The following NCKAP5 variants were observed in gnomAD, a reference collection of about 807,000 sequenced individuals.
NCKAP5 encodes the protein NCK associated protein 5.
In NCKAP5, 92 loss-of-function variants were observed where a neutral mutation model predicts 167.0. That is an observed-to-expected ratio of 0.55 (90% confidence interval 0.47 to 0.66). The LOEUF (loss-of-function observed/expected upper bound fraction) is 0.66. NCKAP5 is among the 30% of genes least tolerant of loss of function. The probability of loss-of-function intolerance (pLI) is 0.00; values close to 1 mark genes in which losing one functional copy is unlikely to be tolerated. For missense variants in NCKAP5, 2,378 were observed against 2,315.0 expected (o/e 1.03, Z -0.56); for synonymous variants, 891 against 877.4 (o/e 1.02, Z -0.27).
intron 3 of NCKAP5, among the ~76,000 whole-genome samples, chr2:133,305,565 T>C (rs1680721962): frequency 6.6e-6 from 1 of 152,212 alleles, no homozygotes; most frequent in Non-Finnish European, 1.5e-5. Flanking sequence ...AACTTCAAGA[T>C]TTTTAAGTGT....
Position 132,782,532 on chromosome 2 carries a change from T to A in NCKAP5, c.4279A>T (p.Ser1427Cys). The A allele has an allele frequency of 6.3e-7, 1 of 1,595,758 alleles. No individual in the cohort carries two copies. Among genetic ancestry groups the A allele is most frequent in the South Asian group, 1.2e-5 (1 of 86,934 alleles). Residue 1427 changes from serine to cysteine, a missense_variant, in exon 14 of 20, where the codon AGC becomes TGC. Ser to Cys is a moderately radical substitution (Grantham distance 112, BLOSUM62 -1). This residue lies in a region of NCKAP5 where 1,325 missense variants were observed against 1,274.5 expected (regional missense o/e 1.04). Coordinates refer to ENST00000409261, the MANE Select transcript of NCKAP5 (RefSeq NM_207363.3). The stretch of plus-strand genomic sequence containing the variant: ...CTTGGATGCTGAGTCCTCCCTGGGC[T>A]CTGCAGGGCTTCAGGGCAGTCTGTT... ...TPTDCPEALQ[S>C]PGRTQHPSTF...
chr2:133,579,761 A>G, the NCKAP5 span, among the ~76,000 whole-genome samples: 423 of 152,284 alleles, frequency 2.8e-3, 1 homozygote, highest in African/African-American at 9.6e-3. Context: ...CAATATTTCG[A>G]TGACATTCCT....
chr2:133,339,354 G>A (rs555403388), intron 3 of NCKAP5, among the ~76,000 whole-genome samples: 14 of 152,138 alleles, frequency 9.2e-5, no homozygotes, highest in Admixed American at 8.5e-4. Flanking sequence ...CTATGAAACA[G>A]GTCCCCTGGG....
At chr2:132,862,089 T>G (rs542386982) in intron 10 of NCKAP5, among the ~76,000 whole-genome samples, 3 of 152,232 alleles carry the variant, frequency 2.0e-5, no homozygotes, top group East Asian at 3.9e-4. Flanking sequence ...CAGCTACCTA[T>G]TGGGCTTAAG....
intron 5 of NCKAP5, among the ~76,000 whole-genome samples, chr2:133,136,821 G>C (rs530291976): frequency 6.6e-6 from 1 of 152,266 alleles, no homozygotes; most frequent in East Asian, 1.9e-4. Context: ...ACTAGAAAAC[G>C]TGCCCAGTCA....
intron 5 of NCKAP5, among the ~76,000 whole-genome samples, chr2:133,209,039 T>C (rs2086089626): frequency 6.7e-6 from 1 of 149,540 alleles, no homozygotes; most frequent in Non-Finnish European, 1.5e-5. Context: ...CTACCTCATG[T>C]CAAAATAATT....
chr2:133,558,634 C>T (rs1039112039), intron 2 of NCKAP5, among the ~76,000 whole-genome samples: 48 of 129,898 alleles, frequency 3.7e-4, no homozygotes, highest in African/African-American at 1.4e-3. Context: ...CAGGATTTGA[C>T]AATTTTGCCA....
the NCKAP5 span, among the ~76,000 whole-genome samples, chr2:133,636,900 T>C: frequency 0.095 from 14,442 of 152,124 alleles, 783 homozygotes; most frequent in African/African-American, 0.12. Context: ...AAATTTCATC[T>C]GCAAAGGAAG....
At chr2:133,241,662 C>T (rs2087710227) in intron 4 of NCKAP5, among the ~76,000 whole-genome samples, 2 of 152,250 alleles carry the variant, frequency 1.3e-5, no homozygotes, top group South Asian at 4.1e-4. Flanking sequence ...TACTCTGCCA[C>T]ATAACTCTTC....
chr2:133,180,181 A>G (rs1162267921), intron 5 of NCKAP5, among the ~76,000 whole-genome samples: 1 of 152,154 alleles, frequency 6.6e-6, no homozygotes, highest in African/African-American at 2.4e-5. Flanking sequence ...TGCTGAAAAA[A>G]AAAGAATGCC....
intron 6 of NCKAP5, among the ~76,000 whole-genome samples, chr2:133,071,310 T>A (rs1417953072): frequency 6.6e-6 from 1 of 151,778 alleles, no homozygotes; most frequent in Admixed American, 6.6e-5. Flanking sequence ...CCGGGCGTAG[T>A]GGCGGGCGCC....
chr2:133,478,344 T>C (rs1680121683), intron 3 of NCKAP5, among the ~76,000 whole-genome samples: 1 of 152,174 alleles, frequency 6.6e-6, no homozygotes, highest in Non-Finnish European at 1.5e-5. Context: ...ATGAACTTCT[T>C]AAGGGCAATG....
At chr2:133,387,238 CTGG>C (rs748797204) in intron 3 of NCKAP5, among the ~76,000 whole-genome samples, 26 of 151,788 alleles carry the variant, frequency 1.7e-4, no homozygotes, top group Non-Finnish European at 2.8e-4. Context: ...TAGGGCAGGC[CTGG>C]TGGTGACAAA....
intron 4 of NCKAP5, among the ~76,000 whole-genome samples, chr2:133,239,067 T>G (rs2087557368): frequency 6.6e-6 from 1 of 152,248 alleles, no homozygotes; most frequent in African/African-American, 2.4e-5. Context: ...CATGTTGGAT[T>G]CCTATAAATA....
At chr2:133,372,545 ATT>A (rs1685872017) in intron 3 of NCKAP5, among the ~76,000 whole-genome samples, 1 of 151,906 alleles carries the variant, frequency 6.6e-6, no homozygotes, top group Admixed American at 6.6e-5. Context: ...TGTTAACAGC[ATT>A]TTTCTTGGAC....
chr2:133,559,308 T>C (rs907336907), intron 1 of NCKAP5, among the ~76,000 whole-genome samples, 191 bp from the exon 2 acceptor site: 7 of 152,292 alleles, frequency 4.6e-5, no homozygotes, highest in South Asian at 2.1e-4. Context: ...AGACACATCA[T>C]ACACATTTAA....
Position 133,208,965 on chromosome 2 carries a change from C to T in NCKAP5, c.207+4751G>A, listed in dbSNP as rs147529486. Among the ~76,000 whole-genome samples, 101 of 152,166 alleles carry T rather than the reference C, an allele frequency of 6.6e-4. No individual in the cohort carries two copies. In the East Asian group the frequency reaches 0.018, roughly 27 times the overall value. ...ATGGTAAGGGTAGTAATAAAGGCTG[C>T]ACTGTTCATTAAATGATGTCGAAAA... On this transcript the variant is annotated intron_variant, in intron 5 of 19. Transcript: ENST00000409261.
intron 11 of NCKAP5, among the ~76,000 whole-genome samples, chr2:132,858,989 G>T (rs1481138491): frequency 6.6e-6 from 1 of 152,144 alleles, no homozygotes; most frequent in Non-Finnish European, 1.5e-5. Flanking sequence ...GCTTTTAAAA[G>T]TAATTCTAAT....
At chr2:133,047,868 T>C (rs1344273070) in intron 6 of NCKAP5, among the ~76,000 whole-genome samples, 1 of 152,168 alleles carries the variant, frequency 6.6e-6, no homozygotes, top group Admixed American at 6.5e-5. Context: ...TTACAGCTTT[T>C]AAAAAATGCT....
Sources: allele counts gnomAD v4.1 joint callset (sites outside exome capture counted in the v4.1 genomes callset), GRCh38; gene constraint gnomAD v4.1.1; regional missense constraint gnomAD v4.1.1; transcripts MANE v1.5; gene names NCBI Gene and HGNC (gene_info 2026-07-23, HGNC 2026-07-21).